Variants in COL24A1 observed in about 807,000 individuals in gnomAD.
The protein encoded by COL24A1 is collagen alpha-1(XXIV) chain.
In COL24A1, 224 loss-of-function variants were observed where a neutral mutation model predicts 253.9. The ratio of observed to expected loss-of-function variants is 0.88; its 90% confidence interval spans 0.79 to 0.99. The LOEUF (loss-of-function observed/expected upper bound fraction) is 0.99, where lower values mean the gene tolerates loss of function less well. Among genes scored for constraint, COL24A1 ranks in the 50% least tolerant of loss-of-function variants. The pLI is 0.00. For missense variants in COL24A1, 2,131 were observed against 2,068.5 expected (o/e 1.03, Z -0.59); for synonymous variants, 685 against 673.7 (o/e 1.02, Z -0.26).
intron 37 of COL24A1, among the ~76,000 whole-genome samples, chr1:85,859,554 T>C (rs1678900047): frequency 6.6e-6 from 1 of 152,174 alleles, no homozygotes; most frequent in African/African-American, 2.4e-5. Context: ...AGGTCCCCCC[T>C]GGTTATTTGT....
At chr1:85,935,086 C>G (rs1049783904) in intron 24 of COL24A1, among the ~76,000 whole-genome samples, 13 of 152,046 alleles carry the variant, frequency 8.6e-5, no homozygotes, top group African/African-American at 3.1e-4. Context: ...CTTTAAAACT[C>G]TCTCCTAATA....
At chr1:85,804,528 A>G (rs981701967) in intron 47 of COL24A1, among the ~76,000 whole-genome samples, 1 of 152,222 alleles carries the variant, frequency 6.6e-6, no homozygotes. Flanking sequence ...AAAGAGGTTT[A>G]TTACAGTTCC....
intron 37 of COL24A1, among the ~76,000 whole-genome samples, chr1:85,851,087 T>C (rs555073833): frequency 3.6e-4 from 54 of 151,348 alleles, no homozygotes; most frequent in African/African-American, 1.3e-3. Flanking sequence ...CTCATCACCC[T>C]TTTTCCCTAC....
chr1:85,954,875 C>CA (rs1172027841), intron 24 of COL24A1, among the ~76,000 whole-genome samples: 1 of 152,178 alleles, frequency 6.6e-6, no homozygotes, highest in Non-Finnish European at 1.5e-5. Context: ...AGTTATACTA[C>CA]AGTTCTTCCT....
In COL24A1 at chr1:86,045,598, C is replaced by T. The variant is rs187078894; in HGVS notation, c.1950+1227G>A. On this transcript the variant is annotated intron_variant, in intron 12 of 59. Transcript: ENST00000370571. ...AACACACCAATGTATTCAAGTGTAACAGAGTATAGTTAAATGAGATGGCAT... is the reference window on the plus strand; with the variant it reads ...AACACACCAATGTATTCAAGTGTAATAGAGTATAGTTAAATGAGATGGCAT... Among the ~76,000 whole-genome samples, 375 of 151,682 alleles carry T rather than the reference C, an allele frequency of 2.5e-3. 10 individuals are homozygous for T. In the East Asian group the frequency reaches 0.046, roughly 19 times the overall value.
chr1:85,944,068 T>TA (rs1001358785), intron 24 of COL24A1, among the ~76,000 whole-genome samples: 13 of 152,330 alleles, frequency 8.5e-5, no homozygotes, highest in African/African-American at 3.1e-4. Flanking sequence ...TTGTGAAAGA[T>TA]AAAATTTCTA....
intron 19 of COL24A1, among the ~76,000 whole-genome samples, chr1:85,991,269 A>C (rs1471010455): frequency 6.6e-6 from 1 of 152,358 alleles, no homozygotes; most frequent in East Asian, 1.9e-4. Context: ...CTACAGATCA[A>C]ATGATTGGGG....
At chr1:86,111,022 G>A (rs1705528710) in intron 5 of COL24A1, among the ~76,000 whole-genome samples, 2 of 152,238 alleles carry the variant, frequency 1.3e-5, no homozygotes, top group Admixed American at 6.5e-5. Context: ...GAGTATGGTG[G>A]GGACTTGGAG....
chr1:85,746,347 T>C (rs905211634), intron 55 of COL24A1, among the ~76,000 whole-genome samples: 1 of 152,202 alleles, frequency 6.6e-6, no homozygotes, highest in Non-Finnish European at 1.5e-5. Context: ...CAATAAAATG[T>C]ACTCTCCCTT....
At chr1:86,026,395 G>A (rs949797175) in intron 14 of COL24A1, among the ~76,000 whole-genome samples, 1 of 152,142 alleles carries the variant, frequency 6.6e-6, no homozygotes, top group African/African-American at 2.4e-5. Context: ...GCAGGACCAG[G>A]TGGACATAAT....
intron 47 of COL24A1, among the ~76,000 whole-genome samples, chr1:85,816,569 A>G (rs978062115): frequency 2.6e-5 from 4 of 152,228 alleles, no homozygotes; most frequent in African/African-American, 9.6e-5. Flanking sequence ...GGCATGAATT[A>G]TTAACACTAT....
chr1:86,091,920 C>T (rs1367199501), intron 6 of COL24A1, among the ~76,000 whole-genome samples: 3 of 152,004 alleles, frequency 2.0e-5, no homozygotes, highest in Non-Finnish European at 2.9e-5. Context: ...ATTGGCATTA[C>T]AATTTATATA....
intron 35 of COL24A1, among the ~76,000 whole-genome samples, chr1:85,872,907 C>T (rs1036605736): frequency 2.6e-5 from 4 of 152,152 alleles, no homozygotes; most frequent in African/African-American, 4.8e-5. Flanking sequence ...AGGCAACCTA[C>T]AGAATGGGAG....
intron 19 of COL24A1, among the ~76,000 whole-genome samples, chr1:85,992,727 TA>T (rs1410373724): frequency 6.6e-6 from 1 of 152,208 alleles, no homozygotes; most frequent in Non-Finnish European, 1.5e-5. Context: ...TTTATAAATT[TA>T]AAATAATTTA....
chr1:86,132,253 T>C (rs932937518), intron 2 of COL24A1, among the ~76,000 whole-genome samples: 1 of 152,238 alleles, frequency 6.6e-6, no homozygotes, highest in Non-Finnish European at 1.5e-5. Flanking sequence ...TCATTGTAGA[T>C]TCTGGATATT....
chr1:86,064,150 C>A (rs985492987), intron 7 of COL24A1, among the ~76,000 whole-genome samples: 7 of 152,088 alleles, frequency 4.6e-5, no homozygotes, highest in African/African-American at 1.7e-4. Context: ...AGACAAATGG[C>A]CTCAGACATA....
intron 20 of COL24A1, among the ~76,000 whole-genome samples, chr1:85,980,399 G>T (rs1263185085): frequency 6.6e-6 from 1 of 152,132 alleles, no homozygotes; most frequent in Non-Finnish European, 1.5e-5. Flanking sequence ...ATTGCTGTTT[G>T]CTGATGATAT....
In COL24A1 at chr1:85,938,032, C is replaced by A. The variant is rs543077434; in HGVS notation, c.2562+23217G>T. Among the ~76,000 whole-genome samples, 51 of 147,550 alleles carry A rather than the reference C, an allele frequency of 3.5e-4. 9 individuals are homozygous for A. In the South Asian group the frequency reaches 0.012, roughly 35 times the overall value. On this transcript the variant is annotated intron_variant, in intron 24 of 59. Transcript: ENST00000370571. The stretch of plus-strand genomic sequence containing the variant: ...CATATTACATCACATCAAGAATTTT[C>A]CAACTTGAGAGAGCATTGGAATAGC...
chr1:85,790,433 T>G lies in COL24A1; in HGVS notation c.3952-3972A>C, dbSNP rs191124765. Among the ~76,000 whole-genome samples, 571 of 152,322 alleles carry G rather than the reference T, an allele frequency of 3.7e-3. 1 individual carries two copies. Among genetic ancestry groups the G allele is most frequent in the African/African-American group, 0.013 (543 of 41,572 alleles). On this transcript the variant is annotated intron_variant, in intron 47 of 59. Transcript: ENST00000370571. The stretch of plus-strand genomic sequence containing the variant: ...ATCATTTTTTATTGTGTCTATTTGA[T>G]TCTTCTATCTTTTCTTCTTTATTAG...
Sources: allele counts gnomAD v4.1 joint callset (sites outside exome capture counted in the v4.1 genomes callset), GRCh38; gene constraint gnomAD v4.1.1; transcripts MANE v1.5; gene names NCBI Gene and HGNC (gene_info 2026-07-23, HGNC 2026-07-21).